Variants in CYTH1 observed in about 807,000 individuals in gnomAD.
CYTH1 encodes the protein cytohesin-1.
A neutral mutation model predicts 61.8 loss-of-function variants in CYTH1; 18 were observed. The ratio of observed to expected loss-of-function variants is 0.29; its 90% CI spans 0.20 to 0.43. The LOEUF (loss-of-function observed/expected upper bound fraction) is 0.43. CYTH1 is among the 20% of genes least tolerant of loss of function. The pLI, the probability that CYTH1 is intolerant of heterozygous loss-of-function variation, is 1.00. For missense variants in CYTH1, 336 were observed against 510.5 expected (o/e 0.66, Z 3.29); for synonymous variants, 174 against 184.3 (o/e 0.94, Z 0.45).
chr17:78,693,879 T>C (rs1394081278), intron 10 of CYTH1, among the ~76,000 whole-genome samples: 1 of 152,210 alleles, frequency 6.6e-6, no homozygotes, highest in Non-Finnish European at 1.5e-5. Flanking sequence ...GAAACACTTC[T>C]TGTGCCTGCT....
intron 10 of CYTH1, among the ~76,000 whole-genome samples, chr17:78,695,357 G>T (rs2092927928): frequency 6.6e-6 from 1 of 152,206 alleles, no homozygotes; most frequent in Non-Finnish European, 1.5e-5. Flanking sequence ...GAGGACTTCA[G>T]GGAGGGTTTT....
At chr17:78,727,645 T>C in intron 1 of CYTH1, 1 of 470,994 alleles carries the variant, frequency 2.1e-6, no homozygotes, top group Non-Finnish European at 4.4e-6. Flanking sequence ...ACTGGCCCCC[T>C]GCCTCCACCT....
chr17:78,698,761 G>A (rs572701461), intron 8 of CYTH1, 59 bp downstream of exon 8: 60 of 1,496,226 alleles, frequency 4.0e-5, no homozygotes, highest in African/African-American at 2.0e-4. Flanking sequence ...TACAAAAGAC[G>A]ATCCTGTTCC....
intron 1 of CYTH1, among the ~76,000 whole-genome samples, chr17:78,726,144 C>G (rs768850483): frequency 6.6e-6 from 1 of 150,610 alleles, no homozygotes; most frequent in South Asian, 2.1e-4. Context: ...CCCAGGTTCA[C>G]GCCATTCTCC....
intron 1 of CYTH1, among the ~76,000 whole-genome samples, chr17:78,758,226 C>T (rs2093409505): frequency 1.3e-5 from 2 of 152,218 alleles, no homozygotes; most frequent in Admixed American, 1.3e-4. Flanking sequence ...TTAAACTATG[C>T]TCCATCTATA....
intron 2 of CYTH1, 111 bp downstream of exon 2, chr17:78,709,539 G>C: frequency 9.8e-7 from 1 of 1,025,328 alleles, no homozygotes; most frequent in Non-Finnish European, 1.5e-6. Context: ...GCTGTAGTGA[G>C]GGCAGGTCAA....
At chr17:78,741,604 G>A (rs565294029) in intron 1 of CYTH1, among the ~76,000 whole-genome samples, 54 of 152,166 alleles carry the variant, frequency 3.5e-4, no homozygotes, top group Non-Finnish European at 6.5e-4. Flanking sequence ...AGCAACAGGG[G>A]CAGCCCCCAT....
intron 1 of CYTH1, among the ~76,000 whole-genome samples, chr17:78,769,733 C>G (rs914500925): frequency 3.3e-5 from 5 of 152,144 alleles, no homozygotes; most frequent in Admixed American, 2.6e-4. Flanking sequence ...AACCAATCTG[C>G]GAGCCGGATG....
At position 78,760,471 on chromosome 17, in the gene CYTH1, GTATATA is replaced by G. The variant is rs1225522220; in HGVS notation, c.22+21725_22+21730del. Among the ~76,000 whole-genome samples, 20 of 26,804 alleles carry G rather than the reference GTATATA, an allele frequency of 7.5e-4. 1 individual carries two copies. Among genetic ancestry groups the G allele is most frequent in the African/African-American group, 1.3e-3 (9 of 6,778 alleles). The allele number at this position is 26,804 out of a possible 152,430, so 17.6% of individuals were successfully genotyped here. A position where few individuals can be genotyped will look rare whatever the true frequency, so the allele number is the denominator to read the frequency against. On this transcript the variant is annotated intron_variant, in intron 1 of 13. Transcript: ENST00000446868. Reference sequence around the variant, plus strand: ...TATATATATACATACATATATATATGTATATATATGTATGTATATATATATACATAT... The same window carrying G: ...TATATATATACATACATATATATATGTATGTATGTATATATATATACATAT...
At chr17:78,782,091 G>A (rs1209865429) in intron 1 of CYTH1, 111 bp downstream of exon 1, 13 of 983,184 alleles carry the variant, frequency 1.3e-5, no homozygotes, top group African/African-American at 5.3e-5. Flanking sequence ...TCCGCGTCCC[G>A]CACCAGTGTC....
At chr17:78,703,880 G>T (rs891254575) in intron 3 of CYTH1, among the ~76,000 whole-genome samples, 2 of 152,216 alleles carry the variant, frequency 1.3e-5, no homozygotes, top group Non-Finnish European at 2.9e-5. Flanking sequence ...TATGCAGAAG[G>T]CTGCTATCAG....
In CYTH1 at chr17:78,717,435, C is replaced by T. The variant is rs997055415; in HGVS notation, c.23-7703G>A. On this transcript the variant is annotated intron_variant, in intron 1 of 13. Transcript: ENST00000446868. The surrounding 1 kb of genome is among the most constrained non-coding windows in gnomAD (Gnocchi z 4.4). ...GATTAAAGTGACAAAAACAACAAGG[C>T]GCTATTGTGCTTGGCTGTGAATAGG... is the stretch of plus-strand genomic sequence containing the variant. 1.3e-5 allele frequency among the ~76,000 whole-genome samples: 2 copies of T among 152,138 alleles called. No individual in the cohort carries two copies. Among genetic ancestry groups the T allele is most frequent in the South Asian group, 2.1e-4 (1 of 4,832 alleles).
intron 1 of CYTH1, among the ~76,000 whole-genome samples, chr17:78,781,445 G>C (rs1194756378): frequency 2.0e-5 from 3 of 152,230 alleles, no homozygotes; most frequent in African/African-American, 4.8e-5. Context: ...GGAGCGAAGG[G>C]AGCGGGACAG....
At position 78,719,982 on chromosome 17, in the gene CYTH1, T is replaced by C. The variant is rs370354104; in HGVS notation, c.23-10250A>G. On this transcript the variant is annotated intron_variant, in intron 1 of 13. Transcript: ENST00000446868. ...ACAACACGGATGAACCTGGAGGACA[T>C]TAAGCCAGTTGCAAAAGGGCAAATA... Among the ~76,000 whole-genome samples the C allele has an allele frequency of 5.1e-4, 78 of 152,250 alleles. 1 individual carries two copies. The South Asian group carries it at 0.016, about 32-fold the overall frequency.
intron 9 of CYTH1, 99 bp downstream of exon 9, chr17:78,698,168 AAC>A: frequency 1.0e-6 from 1 of 983,544 alleles, no homozygotes; most frequent in African/African-American, 1.6e-5. Context: ...CACACGCACA[AAC>A]ACGCACACGC....
At chr17:78,744,050 G>A (rs1238549162) in intron 1 of CYTH1, among the ~76,000 whole-genome samples, 1 of 152,230 alleles carries the variant, frequency 6.6e-6, no homozygotes, top group African/African-American at 2.4e-5. Context: ...CTACACTGAG[G>A]AAGAAAGGAT....
At chr17:78,766,384 T>A (rs1356419718) in intron 1 of CYTH1, among the ~76,000 whole-genome samples, 1 of 152,200 alleles carries the variant, frequency 6.6e-6, no homozygotes, top group African/African-American at 2.4e-5. Flanking sequence ...TCATAAATTC[T>A]AGTGGCCCAA....
intron 1 of CYTH1, among the ~76,000 whole-genome samples, chr17:78,752,442 C>A (rs28479860): frequency 6.6e-6 from 1 of 150,436 alleles, no homozygotes; most frequent in Non-Finnish European, 1.5e-5. Context: ...CAGAGAACTT[C>A]TTTTTTTTGA....
chr17:78,747,215 GAGT>G (rs2093363120), intron 1 of CYTH1, among the ~76,000 whole-genome samples: 1 of 147,154 alleles, frequency 6.8e-6, no homozygotes, highest in Non-Finnish European at 1.5e-5. Context: ...TGAAGGCCCA[GAGT>G]ATGCCAGGCT....
Sources: allele counts gnomAD v4.1 joint callset (sites outside exome capture counted in the v4.1 genomes callset), GRCh38; gene constraint gnomAD v4.1.1; non-coding constraint Gnocchi (gnomAD v3.1); transcripts MANE v1.5; gene names NCBI Gene and HGNC (gene_info 2026-07-23, HGNC 2026-07-21).